PTGER4: variants seen among roughly 807,000 people sequenced by gnomAD.
PTGER4 encodes prostaglandin E receptor 4, also known as prostaglandin E2 receptor EP4 subtype.
A neutral mutation model predicts 33.2 loss-of-function variants in PTGER4; 11 were observed. The observed-to-expected ratio is 0.33, with a 90% CI of 0.21 to 0.55. The LOEUF (loss-of-function observed/expected upper bound fraction) is 0.55, where lower values mean the gene tolerates loss of function less well. Among genes scored for constraint, PTGER4 ranks in the 20% least tolerant of loss-of-function variants. The probability of loss-of-function intolerance (pLI) is 0.92; values close to 1 mark genes in which losing one functional copy is unlikely to be tolerated. For synonymous variants in PTGER4, 275 were observed against 281.5 expected (o/e 0.98, Z 0.23); for missense variants, 481 against 650.2 (o/e 0.74, Z 2.83).
Position 40,692,501 on chromosome 5 carries a change from G to A in PTGER4, c.*123G>A, listed in dbSNP as rs935417063. 2.7e-6 allele frequency: 4 copies of A among 1,479,940 alleles called. No homozygotes were observed. Among genetic ancestry groups the A allele is most frequent in the African/African-American group, 1.4e-5 (1 of 71,124 alleles). The allele number at this position is 1,479,940 out of a possible 1,614,324, so 91.7% of individuals were successfully genotyped here. A position where few individuals can be genotyped will look rare whatever the true frequency, so the allele number is the denominator to read the frequency against. ...TCATCATCCTACAACTCACATTAGA[G>A]AACATCCTGGCTTTTGAGCACTTTT... is the stretch of plus-strand genomic sequence containing the variant. On this transcript the variant is annotated 3_prime_UTR_variant, in exon 3 of 3. Coordinates refer to ENST00000302472, the MANE Select transcript of PTGER4 (RefSeq NM_000958.3).
chr5:40,726,173 ACG>A, the PTGER4 span, among the ~76,000 whole-genome samples: 2 of 142,370 alleles, frequency 1.4e-5, no homozygotes, highest in South Asian at 2.2e-4. Context: ...ACACACACAC[ACG>A]TATATATATA....
chr5:40,728,526 GCAACTA>G, the PTGER4 span: 5 of 1,503,280 alleles, frequency 3.3e-6, no homozygotes, highest in Non-Finnish European at 4.5e-6. Flanking sequence ...TCATAAACTA[GCAACTA>G]CATAAAAAAC....
the PTGER4 span, among the ~76,000 whole-genome samples, chr5:40,736,623 G>T: frequency 4.3e-3 from 659 of 152,066 alleles, 2 homozygotes; most frequent in Non-Finnish European, 7.4e-3. Context: ...TACTACTACA[G>T]GAAATATACC....
At chr5:40,728,376 C>G in the PTGER4 span, 3 of 1,610,282 alleles carry the variant, frequency 1.9e-6, no homozygotes, top group African/African-American at 1.3e-5. Flanking sequence ...AAGTTGAGCA[C>G]GTCCCAAAGT....
the PTGER4 span, among the ~76,000 whole-genome samples, chr5:40,742,943 T>C: frequency 6.6e-6 from 1 of 152,212 alleles, no homozygotes; most frequent in Non-Finnish European, 1.5e-5. Flanking sequence ...CACAGCTTTA[T>C]AAATATTTAC....
chr5:40,681,892 C>G lies in PTGER4; in HGVS notation c.867+32C>G, dbSNP rs1352019225. On this transcript the variant is annotated intron_variant, in intron 2 of 2. Transcript: ENST00000302472. This position sits in a 1 kb window ranked among gnomAD's most constrained non-coding sequence, Gnocchi z 9.8. Reference sequence around the variant, plus strand: ...GACCGGGGCTGGGGCCCTACTCGGCCTTTTTCTCGCATCCACCTCCCGCGT... The same window carrying G: ...GACCGGGGCTGGGGCCCTACTCGGCGTTTTTCTCGCATCCACCTCCCGCGT... The G allele has an allele frequency of 2.7e-6, 4 of 1,478,992 alleles. No homozygotes were observed. Among genetic ancestry groups the G allele is most frequent in the Non-Finnish European group, 3.6e-6 (4 of 1,119,226 alleles). 91.6% of individuals were successfully genotyped at this position (1,478,992 alleles called of 1,614,324 possible). A position where few individuals can be genotyped will look rare whatever the true frequency, so the allele number is the denominator to read the frequency against.
At chr5:40,697,326 C>G (rs1244617948), downstream of PTGER4, among the ~76,000 whole-genome samples, 1 of 151,414 alleles carries the variant, frequency 6.6e-6, no homozygotes, top group African/African-American at 2.4e-5. Flanking sequence ...TGGCTCACGC[C>G]TGTAATCCCA....
At chr5:40,717,571 C>A in the PTGER4 span, among the ~76,000 whole-genome samples, 1 of 151,930 alleles carries the variant, frequency 6.6e-6, no homozygotes, top group Non-Finnish European at 1.5e-5. Flanking sequence ...ACATCCCTGA[C>A]CTACACTCAC....
the PTGER4 span, among the ~76,000 whole-genome samples, chr5:40,707,076 T>C: frequency 6.6e-6 from 1 of 152,128 alleles, no homozygotes; most frequent in African/African-American, 2.4e-5. Flanking sequence ...TGCAAAAACA[T>C]GCCAAATTGT....
At position 40,693,670 on chromosome 5, in the gene PTGER4, T is replaced by C. The variant is rs1741525772; in HGVS notation, c.*1292T>C. On this transcript the variant is annotated 3_prime_UTR_variant, in exon 3 of 3. Transcript: ENST00000302472. The stretch of plus-strand genomic sequence containing the variant: ...TTAAATTCTGAGCCTGATATTGATA[T>C]GGTTTTAAGAAGCAGTTGTACCAAG... 1.6e-5 allele frequency: 16 copies of C among 981,180 alleles called. No homozygotes were observed. Among genetic ancestry groups the C allele is most frequent in the South Asian group, 4.7e-5 (1 of 21,218 alleles). 60.8% of individuals were successfully genotyped at this position (981,180 alleles called of 1,614,324 possible).
chr5:40,746,197 A>G, the PTGER4 span, among the ~76,000 whole-genome samples: 1 of 152,186 alleles, frequency 6.6e-6, no homozygotes, highest in Non-Finnish European at 1.5e-5. Context: ...AAGCAGAAAA[A>G]GGAGAAAAGG....
At chr5:40,705,286 A>G in the PTGER4 span, among the ~76,000 whole-genome samples, 1 of 152,208 alleles carries the variant, frequency 6.6e-6, no homozygotes, top group East Asian at 1.9e-4. Context: ...AGAAGATTGA[A>G]GCTGGACCCC....
At position 40,683,112 on chromosome 5, in the gene PTGER4, C is replaced by T. The variant is rs1407145701; in HGVS notation, c.867+1252C>T. The stretch of plus-strand genomic sequence containing the variant: ...TGCATTCCTGGAAATTCTAAACTAC[C>T]AACTCAAAAAGAGATAACTGCTTTT... On this transcript the variant is annotated intron_variant, in intron 2 of 2. Coordinates refer to ENST00000302472, the MANE Select transcript of PTGER4 (RefSeq NM_000958.3). The surrounding 1 kb of genome is among the most constrained non-coding windows in gnomAD (Gnocchi z 4.2). Among the ~76,000 whole-genome samples, 2 of 152,058 alleles carry T rather than the reference C, an allele frequency of 1.3e-5. No individual in the cohort carries two copies. The highest frequency in any genetic ancestry group is 2.9e-5 in the Non-Finnish European group (2 of 68,018).
chr5:40,710,228 A>G, the PTGER4 span, among the ~76,000 whole-genome samples: 1 of 152,210 alleles, frequency 6.6e-6, no homozygotes. Context: ...ACAAATTTAC[A>G]AGAAAAAAAC....
chr5:40,724,853 AT>A, the PTGER4 span, among the ~76,000 whole-genome samples: 25,319 of 137,916 alleles, frequency 0.18, 2,079 homozygotes, highest in African/African-American at 0.26. Flanking sequence ...TTACAAGTGG[AT>A]TTTTTTTTTT....
chr5:40,736,163 T>C, the PTGER4 span, among the ~76,000 whole-genome samples: 2 of 152,302 alleles, frequency 1.3e-5, no homozygotes, highest in South Asian at 4.1e-4. Flanking sequence ...AATGGAATGA[T>C]GACAGATCAT....
In PTGER4 at chr5:40,691,856, C is replaced by T; in HGVS notation, c.945C>T (p.Ile315=). The T allele has an allele frequency of 6.2e-7, 1 of 1,614,212 alleles. No individual in the cohort carries two copies. The highest frequency in any genetic ancestry group is 8.5e-7 in the Non-Finnish European group (1 of 1,180,034). Residue 315 remains isoleucine (I), a synonymous_variant, in exon 3 of 3, where the codon ATC becomes ATT. Coordinates refer to ENST00000302472, the MANE Select transcript of PTGER4 (RefSeq NM_000958.3). The surrounding 1 kb of genome is among the most constrained non-coding windows in gnomAD (Gnocchi z 4.2). The part of the protein sequence containing the change: ...EVSKNPDLQA[I]RIASVNPILD... Reference sequence around the variant, plus strand: ...GTAAAAATCCAGATTTGCAGGCCATCCGAATTGCTTCTGTGAACCCCATCC... The same window carrying T: ...GTAAAAATCCAGATTTGCAGGCCATTCGAATTGCTTCTGTGAACCCCATCC...
chr5:40,720,988 G>A, the PTGER4 span, among the ~76,000 whole-genome samples: 2 of 152,156 alleles, frequency 1.3e-5, no homozygotes, highest in African/African-American at 4.8e-5. Context: ...ACCTACAGGA[G>A]ACCAGAGATA....
the PTGER4 span, among the ~76,000 whole-genome samples, chr5:40,735,566 G>GA: frequency 1.3e-5 from 2 of 152,124 alleles, no homozygotes; most frequent in Non-Finnish European, 2.9e-5. Context: ...AAGAGTGAGG[G>GA]AAAAACAGAA....
Sources: gnomAD v4.1 joint callset for allele counts (sites outside exome capture counted in the v4.1 genomes callset) on GRCh38, gnomAD v4.1.1 for gene constraint, Gnocchi (gnomAD v3.1) non-coding constraint, MANE v1.5 for transcripts, NCBI Gene and HGNC (gene_info 2026-07-23, HGNC 2026-07-21) for gene names.